MTHFD1L: variants seen among roughly 807,000 people sequenced by gnomAD.
MTHFD1L encodes monofunctional C1-tetrahydrofolate synthase, mitochondrial.
Under a neutral mutation model 119.5 loss-of-function variants are expected in MTHFD1L, and 81 were observed. The observed-to-expected ratio is 0.68, with a 90% CI of 0.57 to 0.82. The LOEUF (loss-of-function observed/expected upper bound fraction) is 0.82. Among genes scored for constraint, MTHFD1L ranks in the 40% least tolerant of loss-of-function variants. The pLI is 0.00. For missense variants in MTHFD1L, 1,125 were observed against 1,253.4 expected, an observed-to-expected ratio of 0.90 and a Z score of 1.55; for synonymous variants, 430 against 475.2, an observed-to-expected ratio of 0.90 and a Z score of 1.24.
At chr6:150,917,445 G>A (rs1251168612) in intron 8 of MTHFD1L, among the ~76,000 whole-genome samples, 2 of 151,872 alleles carry the variant, frequency 1.3e-5, no homozygotes, top group East Asian at 1.9e-4. Context: ...AGCTGAGATC[G>A]TGCCATTGCA....
intron 4 of MTHFD1L, among the ~76,000 whole-genome samples, chr6:150,880,829 T>C (rs1408105528): frequency 6.6e-6 from 1 of 152,248 alleles, no homozygotes; most frequent in Non-Finnish European, 1.5e-5. Context: ...GATTTGCATT[T>C]CCCTGATAAT....
At chr6:150,879,415 G>A (rs1447172934) in intron 4 of MTHFD1L, among the ~76,000 whole-genome samples, 1 of 151,984 alleles carries the variant, frequency 6.6e-6, no homozygotes, top group Non-Finnish European at 1.5e-5. Flanking sequence ...AGCCTCCCAA[G>A]TAGCTGGGAT....
Position 151,038,501 on chromosome 6 carries a change from A to G in MTHFD1L, c.2847+1384A>G, listed in dbSNP as rs184717103. Among the ~76,000 whole-genome samples, 339 of 151,632 alleles carry G rather than the reference A, an allele frequency of 2.2e-3. 1 individual carries two copies. The highest frequency in any genetic ancestry group is 7.7e-3 in the African/African-American group (317 of 41,278). ...AGGATCTTGAAGACCATCTCATGGAACTTGAATCTGATCTCTACACACTGG... is the reference window on the plus strand; with the variant it reads ...AGGATCTTGAAGACCATCTCATGGAGCTTGAATCTGATCTCTACACACTGG... On this transcript the variant is annotated intron_variant, in intron 26 of 27. Coordinates refer to ENST00000367321, the MANE Select transcript of MTHFD1L (RefSeq NM_015440.5).
chr6:150,940,144 T>C (rs1467261145), intron 13 of MTHFD1L, among the ~76,000 whole-genome samples: 1 of 152,172 alleles, frequency 6.6e-6, no homozygotes, highest in Non-Finnish European at 1.5e-5. Flanking sequence ...TCTGGTTCAG[T>C]TGGCTGTGGC....
At chr6:151,089,527 C>T (rs921237499) in intron 26 of MTHFD1L, among the ~76,000 whole-genome samples, 9 of 152,304 alleles carry the variant, frequency 5.9e-5, no homozygotes, top group Admixed American at 3.3e-4. Context: ...CGCTTGAACC[C>T]GGGAGGTGGA....
At chr6:151,045,391 C>A (rs1455875052) in intron 26 of MTHFD1L, among the ~76,000 whole-genome samples, 3 of 152,166 alleles carry the variant, frequency 2.0e-5, no homozygotes, top group Admixed American at 6.5e-5. Context: ...CAAAATCACA[C>A]ATCCCTTTTT....
chr6:151,059,103 C>G (rs1360959035), intron 26 of MTHFD1L, among the ~76,000 whole-genome samples: 1 of 152,216 alleles, frequency 6.6e-6, no homozygotes, highest in Admixed American at 6.5e-5. Context: ...AAGTCCTGCC[C>G]TGGCCACAGA....
At chr6:150,949,279 T>C (rs989891987) in intron 16 of MTHFD1L, 146 bp downstream of exon 16, 1 of 659,234 alleles carries the variant, frequency 1.5e-6, no homozygotes, top group African/African-American at 1.8e-5. Flanking sequence ...TTATTTCAGT[T>C]ACTATTATCG....
intron 16 of MTHFD1L, among the ~76,000 whole-genome samples, chr6:150,952,262 A>C (rs946489274): frequency 3.3e-5 from 5 of 152,348 alleles, no homozygotes; most frequent in Non-Finnish European, 7.3e-5. Flanking sequence ...ACATTTGATA[A>C]GTAGTTTGGC....
intron 20 of MTHFD1L, among the ~76,000 whole-genome samples, chr6:150,994,078 A>AAGAAAGAAAGAAAGAAAAAAAG (rs1252305117): frequency 8.5e-6 from 1 of 118,064 alleles, no homozygotes; most frequent in Non-Finnish European, 1.6e-5. Context: ...AAAAAAAAAA[A>AAGAAAGAAAGAAAGAAAAAAAG]AAGAAAGAAA....
At chr6:151,056,583 C>G (rs1789968151) in intron 26 of MTHFD1L, among the ~76,000 whole-genome samples, 1 of 152,288 alleles carries the variant, frequency 6.6e-6, no homozygotes. Flanking sequence ...TGTGGAATTG[C>G]CTTCAGCGAC....
intron 26 of MTHFD1L, among the ~76,000 whole-genome samples, chr6:151,076,558 C>T (rs546354885): frequency 2.7e-5 from 4 of 150,430 alleles, no homozygotes; most frequent in Admixed American, 6.6e-5. Flanking sequence ...GGCTGAGGCC[C>T]GAGAATTGCT....
chr6:151,073,052 GAA>G, intron 26 of MTHFD1L, among the ~76,000 whole-genome samples: 1 of 152,260 alleles, frequency 6.6e-6, no homozygotes, highest in East Asian at 1.9e-4. Context: ...TCCTTATCTA[GAA>G]AAAGTTTCCT....
At chr6:150,930,664 A>G (rs1463513759) in intron 11 of MTHFD1L, among the ~76,000 whole-genome samples, 1 of 152,054 alleles carries the variant, frequency 6.6e-6, no homozygotes, top group Non-Finnish European at 1.5e-5. Context: ...ATGCTTTAGA[A>G]GAATTCAAAT....
Position 151,022,164 on chromosome 6 carries a change from C to T in MTHFD1L, c.2586+6471C>T, listed in dbSNP as rs116724224. 3.5e-3 allele frequency: 1,423 copies of T among 406,536 alleles called. 21 individuals are homozygous for T. The highest frequency in any genetic ancestry group is 0.027 in the African/African-American group (1,298 of 48,388). 25.2% of individuals were successfully genotyped at this position (406,536 alleles called of 1,614,324 possible). A position where few individuals can be genotyped will look rare whatever the true frequency, so the allele number is the denominator to read the frequency against. ...GCCCAGATGGCCAGGGGTGTTTCCT[C>T]CTCTGCTGGTCTTTTTTAAGGCAGG... On this transcript the variant is annotated intron_variant, in intron 24 of 27. Coordinates refer to ENST00000367321, the MANE Select transcript of MTHFD1L (RefSeq NM_015440.5).
chr6:151,013,506 A>G (rs1324694230), intron 21 of MTHFD1L, among the ~76,000 whole-genome samples: 1 of 152,260 alleles, frequency 6.6e-6, no homozygotes, highest in African/African-American at 2.4e-5. Flanking sequence ...TCAAATTAGA[A>G]TCATCCAGGG....
chr6:150,898,068 T>G (rs1185580436), intron 7 of MTHFD1L, among the ~76,000 whole-genome samples: 2 of 152,162 alleles, frequency 1.3e-5, no homozygotes, highest in African/African-American at 4.8e-5. Context: ...GGTCTCGAAC[T>G]CCTGACCTCA....
intron 26 of MTHFD1L, among the ~76,000 whole-genome samples, chr6:151,069,251 T>TTCTCTCTCTCTCTCTCTCTCTCTC (rs371324778): frequency 8.1e-5 from 11 of 136,590 alleles, no homozygotes; most frequent in African/African-American, 3.1e-4. Context: ...TTCTCTCTCT[T>TTCTCTCTCTCTCTCTCTCTCTCTC]TCTCTCTCTC....
At chr6:150,975,038 A>G (rs1356189781) in intron 20 of MTHFD1L, among the ~76,000 whole-genome samples, 1 of 152,162 alleles carries the variant, frequency 6.6e-6, no homozygotes, top group African/African-American at 2.4e-5. Flanking sequence ...ACACCCGGCT[A>G]GAATTCTCTT....
Sources: gnomAD v4.1 joint callset for allele counts (sites outside exome capture counted in the v4.1 genomes callset) on GRCh38, gnomAD v4.1.1 for gene constraint, MANE v1.5 for transcripts, NCBI Gene and HGNC (gene_info 2026-07-23, HGNC 2026-07-21) for gene names.